Variants in COPG2 observed in about 807,000 individuals in gnomAD.
COPG2 encodes coatomer subunit gamma-2.
Under a neutral mutation model 46.3 loss-of-function variants are expected in COPG2, and 37 were observed. That is an observed-to-expected ratio of 0.80 (90% confidence interval 0.61 to 1.05). COPG2 has a LOEUF of 1.05. Among genes scored for constraint, COPG2 ranks in the 50% least tolerant of loss-of-function variants. COPG2 has a pLI of 0.00. For missense variants in COPG2, 427 were observed against 387.8 expected (o/e 1.10, Z -0.85); for synonymous variants, 159 against 129.7 (o/e 1.23, Z -1.53).
chr7:130,596,413 T>G (rs1156432579), intron 9 of COPG2, among the ~76,000 whole-genome samples: 11 of 152,318 alleles, frequency 7.2e-5, no homozygotes, highest in Middle Eastern at 3.4e-3. Flanking sequence ...GGCTATTATT[T>G]GGCCATGCTG....
chr7:130,633,694 C>A (rs972307139), intron 5 of COPG2, among the ~76,000 whole-genome samples: 1 of 152,158 alleles, frequency 6.6e-6, no homozygotes, highest in East Asian at 1.9e-4. Flanking sequence ...ATGATAGTTT[C>A]TTTCATTGTG....
intron 5 of COPG2, among the ~76,000 whole-genome samples, chr7:130,645,068 CAA>C (rs59544911): frequency 2.1e-3 from 234 of 113,444 alleles, no homozygotes; most frequent in Non-Finnish European, 2.9e-3. Context: ...ATCCCAAAAA[CAA>C]AAAAAAAAAA....
At chr7:130,508,366 C>A in intron 21 of COPG2, 196 bp downstream of exon 21, 1 of 470,204 alleles carries the variant, frequency 2.1e-6, no homozygotes, top group Non-Finnish European at 3.7e-6. Flanking sequence ...AGTGGTAAAT[C>A]TCAATTCTCT....
At chr7:130,613,427 T>C in intron 7 of COPG2, 117 bp downstream of exon 7, 1 of 701,292 alleles carries the variant, frequency 1.4e-6, no homozygotes, top group Non-Finnish European at 2.5e-6. Context: ...GATAAAGTAA[T>C]AGAGGTGTAT....
rs1554461633 is a variant in COPG2 at position 130,667,486 on chromosome 7, T to C, written c.86A>G (p.Gln29Arg). The C allele has an allele frequency of 1.2e-6, 2 of 1,613,338 alleles. No individual in the cohort carries two copies. The highest frequency in any genetic ancestry group is 2.2e-5 in the East Asian group (1 of 44,876). ...CAAGATACTTCCCAGTCATACCTCC[T>C]GTAAAACAGCACTCTTCTCCAGATG... ...FQHLEKSAVL[Q>R]EARIFNETPI... The change falls in exon 2 of 24, where the codon CAG becomes CGG. Residue 29 changes from glutamine (Q) to arginine (R), a missense_variant. By Grantham distance (43) the Gln-to-Arg change is conservative. Coordinates refer to ENST00000425248, the MANE Select transcript of COPG2 (RefSeq NM_012133.6).
At chr7:130,603,339 A>G (rs140817212) in intron 9 of COPG2, among the ~76,000 whole-genome samples, 99 of 152,296 alleles carry the variant, frequency 6.5e-4, no homozygotes, top group African/African-American at 2.4e-3. Flanking sequence ...GTAATTGTTC[A>G]TTTCCATTAT....
At chr7:130,541,081 C>T (rs901601907) in intron 20 of COPG2, among the ~76,000 whole-genome samples, 3 of 152,030 alleles carry the variant, frequency 2.0e-5, no homozygotes, top group Admixed American at 6.5e-5. Context: ...GGAAGACGCA[C>T]GTGCAGTGGG....
intron 9 of COPG2, among the ~76,000 whole-genome samples, chr7:130,602,254 A>AT (rs1475117066): frequency 1.3e-5 from 2 of 151,988 alleles, no homozygotes; most frequent in African/African-American, 4.8e-5. Flanking sequence ...ACCTCAATCA[A>AT]TTTTTTCCTT....
At chr7:130,595,997 C>G (rs1266684659) in intron 9 of COPG2, among the ~76,000 whole-genome samples, 1 of 152,222 alleles carries the variant, frequency 6.6e-6, no homozygotes, top group Non-Finnish European at 1.5e-5. Flanking sequence ...CCTCTGCTTC[C>G]TCCAGCTGGA....
At chr7:130,527,268 G>A (rs972034259) in intron 20 of COPG2, among the ~76,000 whole-genome samples, 5 of 151,614 alleles carry the variant, frequency 3.3e-5, no homozygotes, top group South Asian at 2.1e-4. Context: ...GTGTTTCAGT[G>A]AGTAGACAGG....
chr7:130,640,157 C>T (rs1563068055), intron 5 of COPG2, among the ~76,000 whole-genome samples: 1 of 121,194 alleles, frequency 8.3e-6, no homozygotes, highest in African/African-American at 2.7e-5. Flanking sequence ...TCACCACCAA[C>T]CTTTTTTTTT....
intron 12 of COPG2, among the ~76,000 whole-genome samples, chr7:130,559,675 C>CA (rs1293062475): frequency 1.3e-5 from 2 of 152,178 alleles, no homozygotes; most frequent in Non-Finnish European, 2.9e-5. Context: ...CACTCAAAAT[C>CA]AAAGCCAAGG....
At chr7:130,588,356 T>C (rs564674943) in intron 9 of COPG2, among the ~76,000 whole-genome samples, 22 of 152,040 alleles carry the variant, frequency 1.4e-4, no homozygotes, top group Middle Eastern at 3.4e-3. Flanking sequence ...CGTATGTTTA[T>C]TGCAGCATTA....
chr7:130,601,898 GGA>G (rs1794640016), intron 9 of COPG2, among the ~76,000 whole-genome samples: 1 of 152,042 alleles, frequency 6.6e-6, no homozygotes, highest in East Asian at 1.9e-4. Context: ...AAGGAAGGAA[GGA>G]AGGAAGGAGG....
intron 20 of COPG2, among the ~76,000 whole-genome samples, chr7:130,540,519 T>A (rs1799925596): frequency 1.3e-5 from 2 of 151,854 alleles, no homozygotes; most frequent in African/African-American, 4.8e-5. Context: ...ACAAGACGTA[T>A]CGGGTGGGGA....
chr7:130,578,999 G>A lies in COPG2; in HGVS notation c.738-14606C>T, dbSNP rs555739793. On this transcript the variant is annotated intron_variant, in intron 9 of 23. Coordinates refer to ENST00000425248, the MANE Select transcript of COPG2 (RefSeq NM_012133.6). ...TTCAGATTCAGGAAATACAGAGAAC[G>A]CCACAAAGATACTCCTCGAGAAGAG... 4.8e-3 allele frequency among the ~76,000 whole-genome samples: 653 copies of A among 136,110 alleles called. 2 individuals carry two copies. The highest frequency in any genetic ancestry group is 7.8e-3 in the Non-Finnish European group (495 of 63,774). 89.3% of individuals were successfully genotyped at this position (136,110 alleles called of 152,430 possible).
chr7:130,579,225 A>G (rs2116434292), intron 9 of COPG2, among the ~76,000 whole-genome samples: 1 of 142,482 alleles, frequency 7.0e-6, no homozygotes, highest in African/African-American at 2.6e-5. Context: ...TTTTCAACCC[A>G]GAATTTCATA....
chr7:130,618,897 C>A (rs1048086270), intron 5 of COPG2, among the ~76,000 whole-genome samples: 11 of 152,050 alleles, frequency 7.2e-5, no homozygotes, highest in Non-Finnish European at 7.4e-5. Context: ...ATTATTAATA[C>A]CTTCACCCAA....
intron 12 of COPG2, among the ~76,000 whole-genome samples, chr7:130,560,698 C>T (rs2116401071): frequency 6.6e-6 from 1 of 152,198 alleles, no homozygotes; most frequent in Non-Finnish European, 1.5e-5. Flanking sequence ...GGTGCCAAAG[C>T]ACTCCAACAG....
Sources: allele counts gnomAD v4.1 joint callset (sites outside exome capture counted in the v4.1 genomes callset), GRCh38; gene constraint gnomAD v4.1.1; transcripts MANE v1.5; gene names NCBI Gene and HGNC (gene_info 2026-07-23, HGNC 2026-07-21).